RBFOX1: variants seen among roughly 807,000 people sequenced by gnomAD.
RBFOX1 encodes the protein RNA binding fox-1 homolog 1, also known as RNA binding protein fox-1 homolog 1.
Under a neutral mutation model 57.7 loss-of-function variants are expected in RBFOX1, and 8 were observed. That is an observed-to-expected ratio of 0.14 (90% CI 0.08 to 0.25). The LOEUF is 0.25. Ranked by LOEUF, RBFOX1 falls within the 10% of genes least tolerant of loss-of-function variation. The pLI is 1.00. For missense variants in RBFOX1, 611 were observed against 548.5 expected (o/e 1.11, Z -1.14); for synonymous variants, 326 against 222.4 (o/e 1.47, Z -4.15).
chr16:6,539,493 A>G (rs1412243216), intron 2 of RBFOX1, among the ~76,000 whole-genome samples: 2 of 152,048 alleles, frequency 1.3e-5, no homozygotes, highest in African/African-American at 4.8e-5. Context: ...TGCACAATAT[A>G]CTTCTTTAAA....
At chr16:6,506,551 C>T (rs553511498) in intron 2 of RBFOX1, among the ~76,000 whole-genome samples, 1 of 150,944 alleles carries the variant, frequency 6.6e-6, no homozygotes, top group Non-Finnish European at 1.5e-5. Context: ...ATCTATGGAC[C>T]CACAGTGTAG....
chr16:6,711,376 G>T (rs972233692), intron 3 of RBFOX1, among the ~76,000 whole-genome samples: 1 of 152,062 alleles, frequency 6.6e-6, no homozygotes, highest in East Asian at 1.9e-4. Flanking sequence ...TTGTCATCTG[G>T]TATCTTGTCC....
intron 2 of RBFOX1, among the ~76,000 whole-genome samples, chr16:6,353,468 C>G (rs1599978959): frequency 6.6e-6 from 1 of 151,702 alleles, no homozygotes. Flanking sequence ...TAATAAGCTG[C>G]AAAGTACTTA....
At chr16:5,482,413 C>T (rs551779327) in intron 2 of RBFOX1, among the ~76,000 whole-genome samples, 2 of 152,132 alleles carry the variant, frequency 1.3e-5, no homozygotes, top group Admixed American at 6.5e-5. Context: ...GCAGCCCAGG[C>T]GGGGCTGGCA....
chr16:5,413,531 G>A (rs56197258), intron 1 of RBFOX1, among the ~76,000 whole-genome samples: 3,258 of 152,222 alleles, frequency 0.021, 64 homozygotes, highest in Non-Finnish European at 0.026. Flanking sequence ...CATATATCAG[G>A]GAGCTGTGGC....
chr16:5,351,751 G>T (rs935320815), intron 1 of RBFOX1, among the ~76,000 whole-genome samples: 3 of 152,258 alleles, frequency 2.0e-5, no homozygotes, highest in Middle Eastern at 3.4e-3. Flanking sequence ...GAGTGACCCT[G>T]GTTATCTGTC....
At chr16:6,288,210 TCAA>T (rs2077089360) in intron 1 of RBFOX1, among the ~76,000 whole-genome samples, 1 of 146,216 alleles carries the variant, frequency 6.8e-6, no homozygotes, top group Non-Finnish European at 1.5e-5. Flanking sequence ...ATGTTTGTGG[TCAA>T]CAATGCTTAT....
At chr16:6,671,544 G>C (rs1475487024) in intron 3 of RBFOX1, among the ~76,000 whole-genome samples, 1 of 152,160 alleles carries the variant, frequency 6.6e-6, no homozygotes, top group Non-Finnish European at 1.5e-5. Flanking sequence ...GTTTGGGCAA[G>C]TTCCTTAGTC....
chr16:6,344,257 G>T (rs112522181), intron 2 of RBFOX1, among the ~76,000 whole-genome samples: 1,564 of 152,000 alleles, frequency 0.01, 24 homozygotes, highest in African/African-American at 0.035. Context: ...CACCATGTTG[G>T]CCAGGATGGT....
intron 3 of RBFOX1, among the ~76,000 whole-genome samples, chr16:6,919,499 G>C (rs1205385773): frequency 6.6e-6 from 1 of 151,618 alleles, no homozygotes; most frequent in Non-Finnish European, 1.5e-5. Context: ...ATAAAGAGTA[G>C]ACCTGGGATT....
At chr16:6,638,743 A>G (rs1369251377) in intron 2 of RBFOX1, among the ~76,000 whole-genome samples, 1 of 152,154 alleles carries the variant, frequency 6.6e-6, no homozygotes, top group Non-Finnish European at 1.5e-5. Context: ...AAAACAAAAG[A>G]GACTTCTCTT....
chr16:5,869,272 G>C lies in RBFOX1; in HGVS notation c.351+1937G>C, dbSNP rs866295231. 2.6e-4 allele frequency among the ~76,000 whole-genome samples: 39 copies of C among 152,204 alleles called. No homozygotes were observed. In the Middle Eastern group the frequency reaches 0.01, roughly 40 times the overall value. ...TCTGTGGTCATCACCTGAGACAGCT[G>C]TGTGTTTCCTATGATCTTCCATCTT... On this transcript the variant is annotated intron_variant, in intron 4 of 19. Transcript: ENST00000641259.
At chr16:5,323,652 A>T (rs1160658608) in intron 1 of RBFOX1, among the ~76,000 whole-genome samples, 1 of 152,264 alleles carries the variant, frequency 6.6e-6, no homozygotes, top group Non-Finnish European at 1.5e-5. Flanking sequence ...TCTGAAAAGT[A>T]AAACTTAGTT....
intron 3 of RBFOX1, among the ~76,000 whole-genome samples, chr16:6,855,845 C>CCCTCCCTCTTTCCCTCCCTG (rs202089163): frequency 8.7e-6 from 1 of 114,674 alleles, no homozygotes; most frequent in Admixed American, 9.7e-5. Flanking sequence ...TTCCCTCCCT[C>CCCTCCCTCTTTCCCTCCCTG]TTTCCCTCCC....
chr16:6,666,615 A>G (rs1490691355), intron 3 of RBFOX1, among the ~76,000 whole-genome samples: 1 of 151,522 alleles, frequency 6.6e-6, no homozygotes, highest in African/African-American at 2.4e-5. Flanking sequence ...ATTCAAACCC[A>G]GGAAGTCTTT....
At chr16:7,205,664 C>A (rs965192709) in intron 4 of RBFOX1, among the ~76,000 whole-genome samples, 2 of 152,212 alleles carry the variant, frequency 1.3e-5, no homozygotes, top group African/African-American at 2.4e-5. Flanking sequence ...TCCATGCCTT[C>A]TTGGTCATTA....
intron 4 of RBFOX1, among the ~76,000 whole-genome samples, chr16:7,175,364 T>A (rs1441459943): frequency 1.3e-5 from 2 of 152,114 alleles, no homozygotes; most frequent in Non-Finnish European, 2.9e-5. Flanking sequence ...TGAGGAATCT[T>A]ACATTACTAC....
At chr16:6,008,205 CCCCA>C (rs1395313928) in intron 4 of RBFOX1, among the ~76,000 whole-genome samples, 1 of 116,930 alleles carries the variant, frequency 8.6e-6, no homozygotes, top group African/African-American at 3.3e-5. Flanking sequence ...ACTGTATCCC[CCCCA>C]CCCACCCCCC....
intron 1 of RBFOX1, among the ~76,000 whole-genome samples, chr16:5,354,473 A>G (rs994098608): frequency 1.6e-4 from 24 of 152,192 alleles, no homozygotes; most frequent in South Asian, 1.0e-3. Context: ...TAATGGAGTT[A>G]TCATTGTGCC....
Sources: gnomAD v4.1 joint callset for allele counts (sites outside exome capture counted in the v4.1 genomes callset) on GRCh38, gnomAD v4.1.1 for gene constraint, MANE v1.5 for transcripts, NCBI Gene and HGNC (gene_info 2026-07-23, HGNC 2026-07-21) for gene names.